The following GRIK2 variants were observed in gnomAD, a reference collection of about 807,000 sequenced individuals.
GRIK2 encodes glutamate receptor ionotropic, kainate 2.
Under a neutral mutation model 100.3 loss-of-function variants are expected in GRIK2, and 32 were observed. That is an observed-to-expected ratio of 0.32 (90% CI 0.24 to 0.43). The LOEUF (loss-of-function observed/expected upper bound fraction) is 0.43, where lower values mean the gene tolerates loss of function less well. Ranked by LOEUF, GRIK2 falls within the 20% of genes least tolerant of loss-of-function variation. The pLI is 1.00. For synonymous variants in GRIK2, 417 were observed against 389.4 expected, an observed-to-expected ratio of 1.07 and a Z score of -0.83; for missense variants, 843 against 1,114.9, an observed-to-expected ratio of 0.76 and a Z score of 3.47.
At chr6:102,042,380 C>A (rs1351697846) in intron 15 of GRIK2, among the ~76,000 whole-genome samples, 1 of 151,352 alleles carries the variant, frequency 6.6e-6, no homozygotes, top group Non-Finnish European at 1.5e-5. Context: ...AATCATCTTT[C>A]TTTTTTAGAA....
At chr6:101,837,921 T>C (rs796692818) in intron 10 of GRIK2, among the ~76,000 whole-genome samples, 40 of 152,178 alleles carry the variant, frequency 2.6e-4, no homozygotes, top group African/African-American at 9.6e-4. Flanking sequence ...CTTTATGGGG[T>C]TCAGGACATG....
intron 2 of GRIK2, among the ~76,000 whole-genome samples, chr6:101,415,410 G>A (rs1228636349): frequency 2.4e-4 from 29 of 122,690 alleles, no homozygotes; most frequent in Non-Finnish European, 3.9e-4. Context: ...TTGCTCTGTC[G>A]CCCAGGCTGG....
chr6:101,588,692 A>C (rs905921900), intron 2 of GRIK2, among the ~76,000 whole-genome samples: 36 of 151,942 alleles, frequency 2.4e-4, no homozygotes, highest in African/African-American at 8.5e-4. Flanking sequence ...ACAGAAAAGA[A>C]AGAAAGAAGA....
In GRIK2 at chr6:101,672,050, T is replaced by TA. The variant is rs570573011; in HGVS notation, c.542-4572dup. 2.6e-5 allele frequency among the ~76,000 whole-genome samples: 4 copies of TA among 152,252 alleles called. No homozygotes were observed. The South Asian group carries it at 8.3e-4, about 32-fold the overall frequency. ...TGATGATCGATTAGAGAGGGGCTGA[T>TA]ACTTTCCTACAAGGGTATTAGATAT... On this transcript the variant is annotated intron_variant, in intron 4 of 16. Transcript: ENST00000369134.
At chr6:101,626,263 TA>T in intron 3 of GRIK2, 116 bp from the exon 4 acceptor site, 1 of 976,366 alleles carries the variant, frequency 1.0e-6, no homozygotes, top group Non-Finnish European at 1.5e-6. Context: ...ATATATTTTT[TA>T]AAAACACAAA....
intron 11 of GRIK2, among the ~76,000 whole-genome samples, chr6:101,887,222 G>C (rs762790616): frequency 4.7e-4 from 71 of 151,994 alleles, no homozygotes; most frequent in Non-Finnish European, 8.2e-4. Context: ...AACTATGTGA[G>C]GTAATGCATA....
intron 7 of GRIK2, among the ~76,000 whole-genome samples, chr6:101,789,962 G>C (rs1047143700): frequency 2.0e-5 from 3 of 152,054 alleles, no homozygotes; most frequent in African/African-American, 7.2e-5. Context: ...TATTCTCTTT[G>C]AAGCAATTGT....
At chr6:101,541,997 A>G (rs1489086260) in intron 2 of GRIK2, among the ~76,000 whole-genome samples, 1 of 152,102 alleles carries the variant, frequency 6.6e-6, no homozygotes, top group Non-Finnish European at 1.5e-5. Context: ...ATTATACACA[A>G]TGATATTTAA....
chr6:101,467,221 G>GGGA (rs1771693609), intron 2 of GRIK2, among the ~76,000 whole-genome samples: 1 of 152,012 alleles, frequency 6.6e-6, no homozygotes, highest in African/African-American at 2.4e-5. Context: ...ACTATGAATG[G>GGGA]GGACTACATA....
chr6:101,449,131 A>C lies in GRIK2; in HGVS notation c.115+49739A>C, dbSNP rs115494564. Among the ~76,000 whole-genome samples the C allele has an allele frequency of 9.7e-3, 1,468 of 151,790 alleles. 10 individuals are homozygous for C. The highest frequency in any genetic ancestry group is 0.031 in the African/African-American group (1,272 of 41,528). ...AAATAATTCACATATCAAGAAATAC[A>C]AATTCTCTTAAGGAATAAAAATGGT... On this transcript the variant is annotated intron_variant, in intron 2 of 16. Transcript: ENST00000369134.
intron 13 of GRIK2, among the ~76,000 whole-genome samples, chr6:101,926,141 A>G (rs1789873857): frequency 6.6e-6 from 1 of 151,088 alleles, no homozygotes. Context: ...TCAAATGAAG[A>G]ATCAGTAGTT....
intron 2 of GRIK2, among the ~76,000 whole-genome samples, chr6:101,414,333 C>T (rs1048725353): frequency 6.6e-6 from 1 of 152,148 alleles, no homozygotes; most frequent in Non-Finnish European, 1.5e-5. Flanking sequence ...AACTAGACCT[C>T]TAGTATCAAA....
chr6:101,891,863 T>TA (rs1787120473), intron 12 of GRIK2, among the ~76,000 whole-genome samples: 1 of 152,150 alleles, frequency 6.6e-6, no homozygotes, highest in South Asian at 2.1e-4. Context: ...TCACATTTTT[T>TA]ATCATCTTTA....
At chr6:101,666,221 G>A (rs1324828348) in intron 4 of GRIK2, among the ~76,000 whole-genome samples, 2 of 152,182 alleles carry the variant, frequency 1.3e-5, no homozygotes, top group Non-Finnish European at 2.9e-5. Flanking sequence ...AACGGAAGGA[G>A]TGCATAGGGA....
chr6:101,766,570 G>T (rs1778057071), intron 7 of GRIK2, among the ~76,000 whole-genome samples: 1 of 152,100 alleles, frequency 6.6e-6, no homozygotes, highest in African/African-American at 2.4e-5. Context: ...ACAACATCTA[G>T]TCATGACAGA....
intron 14 of GRIK2, among the ~76,000 whole-genome samples, chr6:101,934,443 AT>A (rs1790492218): frequency 1.3e-5 from 2 of 151,958 alleles, no homozygotes; most frequent in East Asian, 3.9e-4. Flanking sequence ...TGCTGGGGTG[AT>A]TGTATATGAT....
chr6:101,800,936 T>C (rs929375566), intron 8 of GRIK2, among the ~76,000 whole-genome samples: 4 of 152,102 alleles, frequency 2.6e-5, no homozygotes, highest in Non-Finnish European at 5.9e-5. Flanking sequence ...TCTTGTCCAC[T>C]AAATCACACA....
chr6:102,020,785 C>T (rs766956477), intron 14 of GRIK2, among the ~76,000 whole-genome samples: 4 of 151,622 alleles, frequency 2.6e-5, no homozygotes, highest in African/African-American at 7.3e-5. Flanking sequence ...CTTAAAATAC[C>T]GTGACATTTT....
chr6:101,727,784 G>A (rs546379637), intron 7 of GRIK2, among the ~76,000 whole-genome samples: 5 of 151,942 alleles, frequency 3.3e-5, no homozygotes, highest in East Asian at 3.9e-4. Flanking sequence ...ATGGCCATGC[G>A]GCTTCTATTA....
Sources: allele counts gnomAD v4.1 joint callset (sites outside exome capture counted in the v4.1 genomes callset), GRCh38; gene constraint gnomAD v4.1.1; transcripts MANE v1.5; gene names NCBI Gene and HGNC (gene_info 2026-07-23, HGNC 2026-07-21).